ADK: variants seen among roughly 807,000 people sequenced by gnomAD.
The protein encoded by ADK is adenosine kinase, also known as N6,N6-dimethyladenosine kinase.
Under a neutral mutation model 44.7 loss-of-function variants are expected in ADK, and 24 were observed. The ratio of observed to expected loss-of-function variants is 0.54; its 90% CI spans 0.39 to 0.76. The LOEUF (loss-of-function observed/expected upper bound fraction) is 0.76, where lower values mean the gene tolerates loss of function less well. Among genes scored for constraint, ADK ranks in the 30% least tolerant of loss-of-function variants. The pLI, the probability that ADK is intolerant of heterozygous loss-of-function variation, is 0.00. For missense variants in ADK, 321 were observed against 425.1 expected (o/e 0.76, Z 2.15); for synonymous variants, 128 against 142.6 (o/e 0.90, Z 0.73).
chr10:74,208,714 TATATATTTTTTA>T (rs772833299), intron 2 of ADK, among the ~76,000 whole-genome samples: 4 of 151,664 alleles, frequency 2.6e-5, no homozygotes, highest in Admixed American at 6.6e-5. Context: ...ACTATGTATA[TATATATTTTTTA>T]TTTTTTTATT....
At chr10:74,314,048 ATCTT>A (rs1840535859) in intron 3 of ADK, among the ~76,000 whole-genome samples, 2 of 151,948 alleles carry the variant, frequency 1.3e-5, no homozygotes, top group Non-Finnish European at 2.9e-5. Context: ...TGTTTGTGGC[ATCTT>A]TCTTTCCTTG....
In ADK at chr10:74,371,755, T is replaced by A; in HGVS notation, c.274-22386T>A. The A allele has an allele frequency of 2.2e-6, 3 of 1,378,940 alleles. No homozygotes were observed. The South Asian group carries it at 3.5e-5, about 16-fold the overall frequency. The allele number at this position is 1,378,940 out of a possible 1,614,324, so 85.4% of individuals were successfully genotyped here. On this transcript the variant is annotated intron_variant, in intron 4 of 10. Coordinates refer to ENST00000539909, the MANE Select transcript of ADK (RefSeq NM_006721.4). ...GTTGCCATTGAAAACCCTGCTGATG[T>A]CAGTGTTATATCCTCCAGGAATATT...
intron 9 of ADK, among the ~76,000 whole-genome samples, chr10:74,656,984 T>G (rs1034722767): frequency 5.3e-5 from 8 of 151,682 alleles, no homozygotes; most frequent in African/African-American, 1.9e-4. Flanking sequence ...CTCAGCCTCC[T>G]GAGTAGCTGG....
At chr10:74,361,755 G>A (rs535972088) in intron 4 of ADK, among the ~76,000 whole-genome samples, 1 of 152,292 alleles carries the variant, frequency 6.6e-6, no homozygotes, top group East Asian at 1.9e-4. Context: ...TCTGATTATG[G>A]TAAATTCCCT....
chr10:74,411,892 C>A (rs75023957), intron 6 of ADK, among the ~76,000 whole-genome samples: 2,241 of 152,312 alleles, frequency 0.015, 104 homozygotes, highest in Admixed American at 0.092. Context: ...GTCATTTCAA[C>A]AGCATTCATA....
At chr10:74,523,032 A>G (rs1444593095) in intron 6 of ADK, among the ~76,000 whole-genome samples, 1 of 152,142 alleles carries the variant, frequency 6.6e-6, no homozygotes, top group Non-Finnish European at 1.5e-5. Flanking sequence ...AATTAGCAAC[A>G]TATCTGGAGT....
At chr10:74,365,662 C>T (rs1842475096) in intron 4 of ADK, among the ~76,000 whole-genome samples, 1 of 151,940 alleles carries the variant, frequency 6.6e-6, no homozygotes, top group African/African-American at 2.4e-5. Context: ...ATTTGGATGC[C>T]CTTTATTTCT....
chr10:74,482,359 A>G (rs566461760), intron 6 of ADK, among the ~76,000 whole-genome samples: 12 of 152,312 alleles, frequency 7.9e-5, no homozygotes, highest in African/African-American at 2.9e-4. Context: ...CAAGAACAGC[A>G]AGGGGAAAAA....
chr10:74,246,627 T>C (rs933397587), intron 3 of ADK, among the ~76,000 whole-genome samples: 2 of 152,226 alleles, frequency 1.3e-5, no homozygotes, highest in Non-Finnish European at 2.9e-5. Flanking sequence ...GCATTGAATA[T>C]TGAAAATTGT....
intron 10 of ADK, among the ~76,000 whole-genome samples, chr10:74,699,625 C>A (rs1856345350): frequency 6.6e-6 from 1 of 152,068 alleles, no homozygotes; most frequent in Admixed American, 6.6e-5. Flanking sequence ...TGCAGTGAGC[C>A]AAGATCACAC....
At chr10:74,507,258 A>G (rs1848116465) in intron 6 of ADK, among the ~76,000 whole-genome samples, 1 of 152,226 alleles carries the variant, frequency 6.6e-6, no homozygotes, top group Non-Finnish European at 1.5e-5. Flanking sequence ...CTCTAAAATG[A>G]ATGCATTCTT....
chr10:74,498,381 A>G (rs1317181401), intron 6 of ADK, among the ~76,000 whole-genome samples: 2 of 152,214 alleles, frequency 1.3e-5, no homozygotes, highest in Non-Finnish European at 2.9e-5. Context: ...TGGAATTCAT[A>G]CCAAATAAGA....
intron 7 of ADK, among the ~76,000 whole-genome samples, chr10:74,539,291 G>A (rs1433966381): frequency 6.6e-6 from 1 of 152,080 alleles, no homozygotes; most frequent in Non-Finnish European, 1.5e-5. Context: ...CCTCCCTAAG[G>A]TTCTGGGATT....
intron 3 of ADK, among the ~76,000 whole-genome samples, chr10:74,273,241 C>G (rs1846512089): frequency 6.6e-6 from 1 of 152,042 alleles, no homozygotes; most frequent in Non-Finnish European, 1.5e-5. Flanking sequence ...CGGAGAGCCT[C>G]CTTGCTTAAG....
intron 1 of ADK, among the ~76,000 whole-genome samples, chr10:74,169,792 T>G (rs142014657): frequency 2.6e-4 from 40 of 152,308 alleles, no homozygotes; most frequent in African/African-American, 9.4e-4. Flanking sequence ...TGCATTAAAA[T>G]TTATCAACTC....
intron 4 of ADK, among the ~76,000 whole-genome samples, chr10:74,323,032 T>C (rs12268885): frequency 0.045 from 6,850 of 152,284 alleles, 539 homozygotes; most frequent in African/African-American, 0.16. Context: ...GGCCTTAATG[T>C]CATGCAGTGT....
intron 1 of ADK, among the ~76,000 whole-genome samples, chr10:74,172,903 TCAA>T (rs1842207918): frequency 1.8e-5 from 1 of 55,590 alleles, no homozygotes. Flanking sequence ...GGACTCCATG[TCAA>T]AAAAAAAAAA....
At chr10:74,647,351 T>C (rs189326368) in intron 9 of ADK, among the ~76,000 whole-genome samples, 7 of 152,176 alleles carry the variant, frequency 4.6e-5, no homozygotes, top group African/African-American at 1.4e-4. Flanking sequence ...AGTTAATCTA[T>C]TATTTTCTGT....
intron 9 of ADK, among the ~76,000 whole-genome samples, chr10:74,635,808 G>T (rs955977467): frequency 6.6e-6 from 1 of 151,910 alleles, no homozygotes; most frequent in Non-Finnish European, 1.5e-5. Flanking sequence ...TTCAGACTAG[G>T]TGCAGTGGCT....
Sources: gnomAD v4.1 joint callset for allele counts (sites outside exome capture counted in the v4.1 genomes callset) on GRCh38, gnomAD v4.1.1 for gene constraint, MANE v1.5 for transcripts, NCBI Gene and HGNC (gene_info 2026-07-23, HGNC 2026-07-21) for gene names.